The following SLC14A2 variants were observed in gnomAD, a reference collection of about 807,000 sequenced individuals.
The protein encoded by SLC14A2 is urea transporter 2.
SLC14A2 carries 91 observed loss-of-function variants against 104.6 expected under a neutral mutation model. The ratio of observed to expected loss-of-function variants is 0.87; its 90% CI spans 0.73 to 1.04. SLC14A2 has a LOEUF of 1.04. SLC14A2 is among the 50% of genes least tolerant of loss of function. The pLI is 0.00. For missense variants in SLC14A2, 1,189 were observed against 1,156.0 expected (o/e 1.03, Z -0.41); for synonymous variants, 476 against 466.4 (o/e 1.02, Z -0.27).
At chr18:45,373,263 T>A (rs2085741268) in intron 1 of SLC14A2, among the ~76,000 whole-genome samples, 1 of 152,170 alleles carries the variant, frequency 6.6e-6, no homozygotes, top group Admixed American at 6.5e-5. Context: ...TATCCTTTCC[T>A]CCACTATCTT....
At chr18:45,543,594 A>G (rs957067384) in intron 2 of SLC14A2, among the ~76,000 whole-genome samples, 1 of 152,230 alleles carries the variant, frequency 6.6e-6, no homozygotes, top group Non-Finnish European at 1.5e-5. Flanking sequence ...GATATTTGAA[A>G]AGAGCTTGTT....
chr18:45,301,022 C>T (rs531456935), intron 1 of SLC14A2, among the ~76,000 whole-genome samples: 5 of 152,228 alleles, frequency 3.3e-5, no homozygotes, highest in South Asian at 2.1e-4. Context: ...GATTTGGGGC[C>T]GAAAACAAGT....
At chr18:45,424,514 C>G (rs1278515328) in intron 1 of SLC14A2, among the ~76,000 whole-genome samples, 2 of 152,210 alleles carry the variant, frequency 1.3e-5, no homozygotes, top group Non-Finnish European at 2.9e-5. Flanking sequence ...GGCTTCCCAT[C>G]AAGGCTTCAC....
chr18:45,565,148 A>T (rs1176709645), intron 2 of SLC14A2, among the ~76,000 whole-genome samples: 2 of 148,650 alleles, frequency 1.3e-5, no homozygotes, highest in Non-Finnish European at 3.0e-5. Context: ...TTTTTGAGAC[A>T]GAGTCTTGCT....
chr18:45,435,232 T>A (rs945722681), intron 1 of SLC14A2: 2 of 152,140 alleles, frequency 1.3e-5, no homozygotes, highest in Non-Finnish European at 2.9e-5. Context: ...TGCTGCCAAG[T>A]GGAGATGAAG....
At chr18:45,385,390 A>G (rs1293297874) in intron 1 of SLC14A2, among the ~76,000 whole-genome samples, 1 of 152,222 alleles carries the variant, frequency 6.6e-6, no homozygotes. Flanking sequence ...CCTAAGAAAC[A>G]CATCTCAGCC....
intron 1 of SLC14A2, among the ~76,000 whole-genome samples, chr18:45,268,552 C>T (rs2084616383): frequency 6.6e-6 from 1 of 152,140 alleles, no homozygotes; most frequent in South Asian, 2.1e-4. Context: ...GATTTTTCCC[C>T]CTTTGTCCTG....
chr18:45,546,138 G>C (rs1257441905), intron 2 of SLC14A2, among the ~76,000 whole-genome samples: 3 of 152,156 alleles, frequency 2.0e-5, no homozygotes, highest in African/African-American at 4.8e-5. Context: ...GCCTGTGTTA[G>C]ATACATGTGT....
chr18:45,593,486 C>CTTTTTTTTTT (rs1172271684), intron 2 of SLC14A2, among the ~76,000 whole-genome samples: 1 of 88,788 alleles, frequency 1.1e-5, no homozygotes, highest in African/African-American at 4.7e-5. Context: ...TTTCCTTAAT[C>CTTTTTTTTTT]TTTTTTTTTT....
At chr18:45,475,648 T>TATATATATATATATATATATTTAGG (rs2087354559) in intron 1 of SLC14A2, among the ~76,000 whole-genome samples, 1 of 12,026 alleles carries the variant, frequency 8.3e-5, no homozygotes, top group Non-Finnish European at 1.6e-4. Flanking sequence ...TTAGGATATA[T>TATATATATATATATATATATTTAGG]ATATATATAT....
the SLC14A2 span, among the ~76,000 whole-genome samples, chr18:45,173,487 G>GAA: frequency 3.6e-5 from 5 of 137,932 alleles, no homozygotes; most frequent in Non-Finnish European, 6.4e-5. Flanking sequence ...AGGGAGAAAA[G>GAA]AAAAAAAAAA....
At chr18:45,176,883 T>C in the SLC14A2 span, among the ~76,000 whole-genome samples, 1 of 152,128 alleles carries the variant, frequency 6.6e-6, no homozygotes, top group Non-Finnish European at 1.5e-5. Flanking sequence ...GACTCACAAA[T>C]CTCCCAAATT....
the SLC14A2 span, among the ~76,000 whole-genome samples, chr18:45,173,424 G>A: frequency 1.3e-5 from 2 of 151,488 alleles, no homozygotes; most frequent in Non-Finnish European, 2.9e-5. Flanking sequence ...GCAAGTAAGA[G>A]CCAAAGTGTC....
intron 2 of SLC14A2, among the ~76,000 whole-genome samples, chr18:45,589,141 G>A (rs1408705936): frequency 2.6e-5 from 4 of 152,134 alleles, no homozygotes; most frequent in South Asian, 2.1e-4. Context: ...TTACAACTCG[G>A]CGGCCTCGGC....
intron 11 of SLC14A2, among the ~76,000 whole-genome samples, chr18:45,664,855 C>A (rs1321795028): frequency 6.6e-6 from 1 of 152,142 alleles, no homozygotes. Context: ...GGTTCCCCAG[C>A]AGAGTGTGGA....
At position 45,663,923 on chromosome 18, in the gene SLC14A2, C is replaced by A; in HGVS notation, c.1474+16C>A. 6.2e-7 allele frequency: 1 copy of A among 1,601,984 alleles called. No homozygotes were observed. ...AGGAGCAAAGGTGTGCATGTCCTCC[C>A]CCTCACGCTTGGATCCCTGCCTTCC... On this transcript the variant is annotated intron_variant, in intron 11 of 19. Coordinates refer to ENST00000255226, the MANE Select transcript of SLC14A2 (RefSeq NM_007163.4).
chr18:45,321,279 C>T (rs1350443220), intron 1 of SLC14A2, among the ~76,000 whole-genome samples: 2 of 152,180 alleles, frequency 1.3e-5, no homozygotes, highest in African/African-American at 4.8e-5. Context: ...GCTCAACAAC[C>T]ACAACAAGGG....
chr18:45,389,298 A>G (rs527386578), intron 1 of SLC14A2, among the ~76,000 whole-genome samples: 5 of 152,240 alleles, frequency 3.3e-5, no homozygotes, highest in Admixed American at 2.0e-4. Context: ...TTGATGCTCT[A>G]TAATTTCTCT....
intron 10 of SLC14A2, among the ~76,000 whole-genome samples, chr18:45,656,253 G>A (rs1272139496): frequency 6.6e-6 from 1 of 152,222 alleles, no homozygotes; most frequent in Non-Finnish European, 1.5e-5. Context: ...CATGGAGGAA[G>A]TAGAACACAA....
Sources: allele counts gnomAD v4.1 joint callset (sites outside exome capture counted in the v4.1 genomes callset), GRCh38; gene constraint gnomAD v4.1.1; transcripts MANE v1.5; gene names NCBI Gene and HGNC (gene_info 2026-07-23, HGNC 2026-07-21).